Variants in MINAR1 observed in about 807,000 individuals in gnomAD.
The protein encoded by MINAR1 is major intrinsically disordered Notch2-binding receptor 1.
Under a neutral mutation model 65.1 loss-of-function variants are expected in MINAR1, and 40 were observed. The ratio of observed to expected loss-of-function variants is 0.61; its 90% CI spans 0.48 to 0.80. The LOEUF is 0.80. MINAR1 is among the 30% of genes least tolerant of loss of function. The pLI, the probability that MINAR1 is intolerant of heterozygous loss-of-function variation, is 0.00. For synonymous variants in MINAR1, 482 were observed against 449.1 expected (o/e 1.07, Z -0.93); for missense variants, 1,128 against 1,148.0 (o/e 0.98, Z 0.25).
At chr15:79,466,640 A>T (rs1895869428) in intron 3 of MINAR1, among the ~76,000 whole-genome samples, 1 of 152,016 alleles carries the variant, frequency 6.6e-6, no homozygotes, top group Admixed American at 6.5e-5. Flanking sequence ...TAGTGTGTCT[A>T]CCCCTGTGCT....
chr15:79,459,180 A>G (rs189577886), intron 2 of MINAR1, among the ~76,000 whole-genome samples: 49 of 149,376 alleles, frequency 3.3e-4, no homozygotes, highest in Admixed American at 7.3e-4. Context: ...CTGTCTCAAG[A>G]AAAAAAAAGA....
rs1447277607 is a variant in MINAR1 at position 79,470,634 on chromosome 15, T to A, written c.*2250T>A. On this transcript the variant is annotated 3_prime_UTR_variant, in exon 4 of 4. Coordinates refer to ENST00000305428, the MANE Select transcript of MINAR1 (RefSeq NM_015206.3). ...ATGACTATAAGTCACACCTCAGGCTTGGAAATGAAAGGATTCTATAGAATA... is the reference window on the plus strand; with the variant it reads ...ATGACTATAAGTCACACCTCAGGCTAGGAAATGAAAGGATTCTATAGAATA... 6.6e-6 allele frequency: 1 copy of A among 152,198 alleles called. No individual in the cohort carries two copies. Among genetic ancestry groups the A allele is most frequent in the Non-Finnish European group, 1.5e-5 (1 of 68,044 alleles). The allele number at this position is 152,198 out of a possible 1,614,324, so 9.4% of individuals were successfully genotyped here. A position where few individuals can be genotyped will look rare whatever the true frequency, so the allele number is the denominator to read the frequency against.
the MINAR1 span, chr15:79,421,156 GAC>G: frequency 6.6e-6 from 1 of 152,116 alleles, no homozygotes; most frequent in Non-Finnish European, 1.5e-5. Flanking sequence ...TAACAAAATA[GAC>G]ACACAAAAAT....
chr15:79,457,691 GCGA>G lies in MINAR1; in HGVS notation c.1549_1551del (p.Asp517del). ...TCAGACGATGACTCAGAAATTGTCA[GCGA>G]CGACATCAGTGACATTTTCCGATTT... On this transcript the variant is annotated inframe_deletion, in exon 2 of 4. Coordinates refer to ENST00000305428, the MANE Select transcript of MINAR1 (RefSeq NM_015206.3). The G allele has an allele frequency of 1.9e-6, 3 of 1,614,182 alleles. No homozygotes were observed. The highest frequency in any genetic ancestry group is 2.5e-6 in the Non-Finnish European group (3 of 1,180,030).
chr15:79,466,775 T>G (rs899721357), intron 3 of MINAR1, among the ~76,000 whole-genome samples: 2 of 152,156 alleles, frequency 1.3e-5, no homozygotes, highest in Non-Finnish European at 2.9e-5. Flanking sequence ...CTCTTTACAA[T>G]AGCTGGTGAA....
Position 79,468,833 on chromosome 15 carries a change from T to C in MINAR1, c.*449T>C, listed in dbSNP as rs1895969976. 5.3e-6 allele frequency: 1 copy of C among 188,316 alleles called. No homozygotes were observed. Among genetic ancestry groups the C allele is most frequent in the African/African-American group, 2.4e-5 (1 of 42,034 alleles). The allele number at this position is 188,316 out of a possible 1,614,324, so 11.7% of individuals were successfully genotyped here. A position where few individuals can be genotyped will look rare whatever the true frequency, so the allele number is the denominator to read the frequency against. On this transcript the variant is annotated 3_prime_UTR_variant, in exon 4 of 4. Coordinates refer to ENST00000305428, the MANE Select transcript of MINAR1 (RefSeq NM_015206.3). ...GTGGCTTCTCTTTTCCATAATGTTC[T>C]TAGACCATTGCTGGTGAAGTAACAG...
At chr15:79,435,611 G>A (rs1283194594) in intron 1 of MINAR1, among the ~76,000 whole-genome samples, 1 of 152,192 alleles carries the variant, frequency 6.6e-6, no homozygotes, top group Non-Finnish European at 1.5e-5. Context: ...ACAGTGCCTG[G>A]CATGTAAGTA....
At chr15:79,431,499 GTA>G (rs1328982024), upstream of MINAR1, among the ~76,000 whole-genome samples, 5 of 124,954 alleles carry the variant, frequency 4.0e-5, no homozygotes, top group Admixed American at 3.0e-4. Flanking sequence ...GAATGAGTGA[GTA>G]TGTGTGTGTG....
the MINAR1 span, chr15:79,414,546 G>A: frequency 6.6e-6 from 1 of 152,280 alleles, no homozygotes; most frequent in Non-Finnish European, 1.5e-5. Flanking sequence ...AGCTAAGGTG[G>A]AAGTGTAGCT....
At chr15:79,428,468 C>A (rs1200012519), upstream of MINAR1, among the ~76,000 whole-genome samples, 1 of 123,746 alleles carries the variant, frequency 8.1e-6, no homozygotes, top group African/African-American at 3.0e-5. Flanking sequence ...CCTTCCCTCC[C>A]TCTTTCCCTC....
At chr15:79,440,665 C>T (rs1012707528) in intron 1 of MINAR1, among the ~76,000 whole-genome samples, 8 of 152,154 alleles carry the variant, frequency 5.3e-5, no homozygotes, top group Non-Finnish European at 1.0e-4. Flanking sequence ...CCTTCCCCCG[C>T]TCCTCCCCAC....
In MINAR1 at chr15:79,456,867, C is replaced by T. The variant is rs770494388; in HGVS notation, c.720C>T (p.Thr240=). The part of the protein sequence containing the change: ...SLPINQSIKE[T]FISNEEPFVV... ...CCATCAATCAGAGCATCAAGGAGAC[C>T]TTCATTTCCAATGAGGAGCCATTTG... The change falls in exon 2 of 4, where the codon ACC becomes ACT. Residue 240 remains threonine, a synonymous_variant. Coordinates refer to ENST00000305428, the MANE Select transcript of MINAR1 (RefSeq NM_015206.3). 2 of 1,613,992 alleles carry T rather than the reference C, an allele frequency of 1.2e-6. No homozygotes were observed. The highest frequency in any genetic ancestry group is 4.5e-5 in the East Asian group (2 of 44,890).
In MINAR1 at chr15:79,457,617, G is replaced by C; in HGVS notation, c.1470G>C (p.Leu490=). Residue 490 remains leucine (L), a synonymous_variant, in exon 2 of 4, where the codon CTG becomes CTC. Transcript: ENST00000305428. ...TGGAGCCCAAGAAATGCAGAGACCT[G>C]TGCACCTCTGGTCAGGGCAAGTACA... The part of the protein sequence containing the change: ...HVLEPKKCRD[L]CTSGQGKYSD... 10 of 1,614,146 alleles carry C rather than the reference G, an allele frequency of 6.2e-6. 1 individual carries two copies. The South Asian group carries it at 1.1e-4, about 18-fold the overall frequency.
At chr15:79,447,972 A>T (rs759069223) in intron 1 of MINAR1, among the ~76,000 whole-genome samples, 1 of 152,098 alleles carries the variant, frequency 6.6e-6, no homozygotes, top group African/African-American at 2.4e-5. Flanking sequence ...GCCTATCCTA[A>T]TCTACCTTAG....
chr15:79,413,172 CT>C, the MINAR1 span: 18 of 152,346 alleles, frequency 1.2e-4, no homozygotes, highest in African/African-American at 4.3e-4. Context: ...TACCTTCTTT[CT>C]CCAAATGACC....
chr15:79,458,419 A>G lies in MINAR1; in HGVS notation c.2272A>G (p.Lys758Glu). ...AAAAGACACAGGCCCAGGAGATAAT[A>G]AAGACTGGCATCGGAAATCTAAAGA... is the stretch of plus-strand genomic sequence containing the variant. ...EIKDTGPGDN[K>E]DWHRKSKEAD... is the part of the protein sequence containing the mutation. Residue 758 changes from lysine to glutamate, a missense_variant, in exon 2 of 4, where the codon AAA (lysine) becomes GAA (glutamate). Lys to Glu is a moderately conservative substitution (Grantham distance 56). Transcript: ENST00000305428. The G allele has an allele frequency of 6.2e-7, 1 of 1,609,870 alleles. No homozygotes were observed. The highest frequency in any genetic ancestry group is 1.7e-5 in the Admixed American group (1 of 59,208).
At chr15:79,435,001 G>A (rs1231166671) in intron 1 of MINAR1, among the ~76,000 whole-genome samples, 1 of 152,212 alleles carries the variant, frequency 6.6e-6, no homozygotes, top group African/African-American at 2.4e-5. Flanking sequence ...GTGGCCGGGA[G>A]CTGTGGCCCA....
chr15:79,456,144 A>C lies in MINAR1; in HGVS notation c.-4A>C. ...TAGTCAGAGAGCTCTTCAAGTAATA[A>C]ATCATGGAGACCAGTCAGGAAACTT... is the stretch of plus-strand genomic sequence containing the variant. On this transcript the variant is annotated 5_prime_UTR_variant, in exon 2 of 4. Coordinates refer to ENST00000305428, the MANE Select transcript of MINAR1 (RefSeq NM_015206.3). The C allele has an allele frequency of 6.2e-7, 1 of 1,610,726 alleles. No individual in the cohort carries two copies. Among genetic ancestry groups the C allele is most frequent in the Non-Finnish European group, 8.5e-7 (1 of 1,177,406 alleles).
intron 3 of MINAR1, among the ~76,000 whole-genome samples, chr15:79,467,633 T>C (rs978351623): frequency 2.0e-5 from 3 of 152,336 alleles, no homozygotes; most frequent in African/African-American, 7.2e-5. Flanking sequence ...CTTTGAGCAG[T>C]GGCATGACCT....
Sources: allele counts gnomAD v4.1 joint callset (sites outside exome capture counted in the v4.1 genomes callset), GRCh38; gene constraint gnomAD v4.1.1; transcripts MANE v1.5; gene names NCBI Gene and HGNC (gene_info 2026-07-23, HGNC 2026-07-21).